SIAH1: variants seen among roughly 807,000 people sequenced by gnomAD.
SIAH1 encodes E3 ubiquitin-protein ligase SIAH1.
SIAH1 carries 2 observed loss-of-function variants against 20.0 expected under a neutral mutation model. The ratio of observed to expected loss-of-function variants is 0.10; its 90% CI spans 0.04 to 0.31. The LOEUF is 0.31. Among genes scored for constraint, SIAH1 ranks in the 10% least tolerant of loss-of-function variants. SIAH1 has a pLI of 1.00. For synonymous variants in SIAH1, 118 were observed against 125.3 expected (o/e 0.94, Z 0.39); for missense variants, 119 against 355.3 (o/e 0.33, Z 5.35).
intron 1 of SIAH1, chr16:48,365,383 ATACC>A: frequency 1.2e-6 from 2 of 1,613,922 alleles, no homozygotes; most frequent in Middle Eastern, 1.7e-4. Context: ...CTTAATGTCA[ATACC>A]TTTTCTCTTC....
At chr16:48,367,389 C>T (rs757947420) in intron 1 of SIAH1, among the ~76,000 whole-genome samples, 40 of 152,258 alleles carry the variant, frequency 2.6e-4, no homozygotes, top group Non-Finnish European at 7.4e-5. Context: ...CTCTGAAAAC[C>T]ACTGATCTAT....
At position 48,361,727 on chromosome 16, in the gene SIAH1, C is replaced by T; in HGVS notation, c.702G>A (p.Leu234=). ...TAGATCGAGGAGTCGCTTCCCAAGT[C>T]AATCGTCGCCTATGACCATTTAGCT... ...RLELNGHRRR[L]TWEATPRSIH... is the part of the protein sequence containing the mutation. Residue 234 remains leucine (L), a synonymous_variant, in exon 2 of 2, where the codon TTG becomes TTA. Coordinates refer to ENST00000394725, the MANE Select transcript of SIAH1 (RefSeq NM_003031.4). 2 of 1,614,174 alleles carry T rather than the reference C, an allele frequency of 1.2e-6. No homozygotes were observed. The highest frequency in any genetic ancestry group is 1.7e-6 in the Non-Finnish European group (2 of 1,180,018).
upstream of SIAH1, among the ~76,000 whole-genome samples, chr16:48,385,666 G>T (rs1246034887): frequency 1.3e-5 from 2 of 152,202 alleles, no homozygotes; most frequent in South Asian, 4.1e-4. Context: ...GGCACGTGGC[G>T]CTCTGGCCCG....
intron 1 of SIAH1, among the ~76,000 whole-genome samples, chr16:48,369,845 A>G: frequency 6.6e-6 from 1 of 152,246 alleles, no homozygotes; most frequent in East Asian, 1.9e-4. Context: ...AACTTTGTCA[A>G]AGCAATTAAT....
At chr16:48,380,667 T>C (rs1567377083) in intron 1 of SIAH1, among the ~76,000 whole-genome samples, 1 of 151,950 alleles carries the variant, frequency 6.6e-6, no homozygotes, top group Non-Finnish European at 1.5e-5. Context: ...CCCACGCCTG[T>C]AATCCCACCA....
At chr16:48,365,337 T>A (rs775947709) in intron 1 of SIAH1, 1 of 1,606,386 alleles carries the variant, frequency 6.2e-7, no homozygotes, top group Non-Finnish European at 8.5e-7. Flanking sequence ...CACTGACTAA[T>A]AGCGTTCAAG....
chr16:48,362,547 A>G lies in SIAH1; in HGVS notation c.-2-117T>C, dbSNP rs1960635431. 4 of 984,824 alleles carry G rather than the reference A, an allele frequency of 4.1e-6. 1 individual carries two copies. Among genetic ancestry groups the G allele is most frequent in the Admixed American group, 2.7e-5 (1 of 36,418 alleles). 61.0% of individuals were successfully genotyped at this position (984,824 alleles called of 1,614,324 possible). A position where few individuals can be genotyped will look rare whatever the true frequency, so the allele number is the denominator to read the frequency against. On this transcript the variant is annotated intron_variant, in intron 1 of 1. Coordinates refer to ENST00000394725, the MANE Select transcript of SIAH1 (RefSeq NM_003031.4). The surrounding 1 kb of genome is among the most constrained non-coding windows in gnomAD (Gnocchi z 4.2). ...GTTTCATACAAAATTTACTGAGCAA[A>G]AGAGGAAGAAAAATAGGATTAAAAA... is the stretch of plus-strand genomic sequence containing the variant.
intron 1 of SIAH1, chr16:48,363,251 T>C (rs1960678589): frequency 6.0e-6 from 1 of 167,030 alleles, no homozygotes; most frequent in Admixed American, 6.5e-5. Flanking sequence ...TAGAGGTGTA[T>C]TTTGGAAATG....
Position 48,360,677 on chromosome 16 carries a change from A to G in SIAH1, c.*903T>C, listed in dbSNP as rs951370227. 6.5e-6 allele frequency: 1 copy of G among 152,678 alleles called. No homozygotes were observed. Among genetic ancestry groups the G allele is most frequent in the Non-Finnish European group, 1.5e-5 (1 of 68,048 alleles). The allele number at this position is 152,678 out of a possible 1,614,324, so 9.5% of individuals were successfully genotyped here. A position where few individuals can be genotyped will look rare whatever the true frequency, so the allele number is the denominator to read the frequency against. On this transcript the variant is annotated 3_prime_UTR_variant, in exon 2 of 2. Coordinates refer to ENST00000394725, the MANE Select transcript of SIAH1 (RefSeq NM_003031.4). ...CTTCTTCTGCAAAACCAATAAATAC[A>G]AGAACAAATTTTAAAATATGTGATT...
At chr16:48,377,904 C>G (rs1961155501) in intron 1 of SIAH1, among the ~76,000 whole-genome samples, 1 of 151,778 alleles carries the variant, frequency 6.6e-6, no homozygotes, top group African/African-American at 2.4e-5. Context: ...ATAGTGAGAT[C>G]TCGTCTCTAA....
intron 1 of SIAH1, among the ~76,000 whole-genome samples, chr16:48,364,161 CG>C (rs1390698094): frequency 1.3e-5 from 2 of 151,660 alleles, no homozygotes; most frequent in African/African-American, 4.8e-5. Context: ...TGGCTGGTCT[CG>C]AACTCCTGAC....
In SIAH1 at chr16:48,362,753, T is replaced by C. The variant is rs2151044709; in HGVS notation, c.-2-323A>G. 1 of 238,736 alleles carries C rather than the reference T, an allele frequency of 4.2e-6. No homozygotes were observed. The highest frequency in any genetic ancestry group is 8.9e-6 in the Non-Finnish European group (1 of 112,596). 14.8% of individuals were successfully genotyped at this position (238,736 alleles called of 1,614,324 possible). A position where few individuals can be genotyped will look rare whatever the true frequency, so the allele number is the denominator to read the frequency against. On this transcript the variant is annotated intron_variant, in intron 1 of 1. Coordinates refer to ENST00000394725, the MANE Select transcript of SIAH1 (RefSeq NM_003031.4). This position sits in a 1 kb window ranked among gnomAD's most constrained non-coding sequence, Gnocchi z 4.2. ...GGACCATAAACAACTAAAGAAACTA[T>C]ACAAGGAACTGAAGTTTAATCGAAT...
chr16:48,366,482 A>T (rs1253756210), intron 1 of SIAH1, among the ~76,000 whole-genome samples: 1 of 152,238 alleles, frequency 6.6e-6, no homozygotes, highest in African/African-American at 2.4e-5. Context: ...CACTTCTGCC[A>T]CATTAAACTC....
chr16:48,384,778 C>T (rs989847040), intron 1 of SIAH1, among the ~76,000 whole-genome samples: 1 of 151,186 alleles, frequency 6.6e-6, no homozygotes, highest in South Asian at 2.1e-4. Context: ...CAGCTGACCT[C>T]CGCCATGTTG....
chr16:48,385,526 G>A (rs994258310), upstream of SIAH1: 12 of 151,834 alleles, frequency 7.9e-5, no homozygotes, highest in Non-Finnish European at 1.3e-4. Flanking sequence ...GCGCGCAGGC[G>A]CACAGGCGTT....
intron 1 of SIAH1, among the ~76,000 whole-genome samples, chr16:48,374,728 T>C (rs563931136): frequency 2.0e-5 from 3 of 151,588 alleles, no homozygotes; most frequent in Admixed American, 1.3e-4. Flanking sequence ...AAAGCCAAAA[T>C]AGGAAGGAAG....
chr16:48,362,725 A>C lies in SIAH1; in HGVS notation c.-2-295T>G. On this transcript the variant is annotated intron_variant, in intron 1 of 1. Coordinates refer to ENST00000394725, the MANE Select transcript of SIAH1 (RefSeq NM_003031.4). This position sits in a 1 kb window ranked among gnomAD's most constrained non-coding sequence, Gnocchi z 4.2. ...TAGAATAATAAATGCTAAAATAGAA[A>C]ATGGACCATAAACAACTAAAGAAAC... 1 of 279,136 alleles carries C rather than the reference A, an allele frequency of 3.6e-6. No homozygotes were observed. Among genetic ancestry groups the C allele is most frequent in the South Asian group, 4.8e-5 (1 of 20,964 alleles). The allele number at this position is 279,136 out of a possible 1,614,324, so 17.3% of individuals were successfully genotyped here.
chr16:48,366,033 G>C (rs958775122), intron 1 of SIAH1: 28 of 497,680 alleles, frequency 5.6e-5, no homozygotes, highest in African/African-American at 4.5e-4. Flanking sequence ...GCAAGGGTGG[G>C]GCCGTGCCCG....
chr16:48,368,440 A>C (rs1314037379), intron 1 of SIAH1, among the ~76,000 whole-genome samples: 1 of 152,284 alleles, frequency 6.6e-6, no homozygotes, highest in African/African-American at 2.4e-5. Context: ...TCACGCCTGT[A>C]ATCACAGCAC....
Sources: gnomAD v4.1 joint callset for allele counts (sites outside exome capture counted in the v4.1 genomes callset) on GRCh38, gnomAD v4.1.1 for gene constraint, Gnocchi (gnomAD v3.1) non-coding constraint, MANE v1.5 for transcripts, NCBI Gene and HGNC (gene_info 2026-07-23, HGNC 2026-07-21) for gene names.